CNBD2: variants seen among roughly 807,000 people sequenced by gnomAD.
The protein encoded by CNBD2 is cyclic nucleotide-binding domain-containing protein 2.
In CNBD2, 64 loss-of-function variants were observed where a neutral mutation model predicts 63.7. The observed-to-expected ratio is 1.00, with a 90% confidence interval of 0.82 to 1.24. The LOEUF (loss-of-function observed/expected upper bound fraction) is 1.24. CNBD2 is among the 50% of genes most tolerant of loss of function. The probability of loss-of-function intolerance (pLI) is 0.00; values close to 1 mark genes in which losing one functional copy is unlikely to be tolerated. For missense variants in CNBD2, 691 were observed against 713.5 expected (o/e 0.97, Z 0.36); for synonymous variants, 229 against 255.4 (o/e 0.90, Z 0.99).
At chr20:35,989,994 T>C (rs898950826) in intron 7 of CNBD2, among the ~76,000 whole-genome samples, 1 of 151,940 alleles carries the variant, frequency 6.6e-6, no homozygotes, top group African/African-American at 2.4e-5. Context: ...TAATACATAC[T>C]GAAAACTCAT....
chr20:35,972,421 A>C (rs1051777443), intron 1 of CNBD2, among the ~76,000 whole-genome samples: 4 of 152,212 alleles, frequency 2.6e-5, no homozygotes, highest in Admixed American at 2.6e-4. Context: ...CTATGGCATA[A>C]GTACTCCTAC....
intron 3 of CNBD2, among the ~76,000 whole-genome samples, chr20:35,977,254 T>C (rs2056533815): frequency 6.6e-6 from 1 of 152,200 alleles, no homozygotes; most frequent in South Asian, 2.1e-4. Context: ...AAATGAATCA[T>C]GCCTGACTCT....
chr20:35,984,917 C>G, intron 6 of CNBD2, 139 bp downstream of exon 6: 1 of 776,538 alleles, frequency 1.3e-6, no homozygotes, highest in Non-Finnish European at 2.2e-6. Flanking sequence ...ACCTCGTACC[C>G]ACCTTCTCTC....
chr20:35,954,440 GAGCT>G (rs1251344328), upstream of CNBD2: 6 of 1,549,618 alleles, frequency 3.9e-6, no homozygotes, highest in African/African-American at 5.5e-5. Context: ...AGAGTGTGCG[GAGCT>G]TACCTGCACC....
intron 11 of CNBD2, among the ~76,000 whole-genome samples, 162 bp from the exon 12 acceptor site, chr20:36,030,195 G>A (rs1384128139): frequency 6.6e-6 from 1 of 152,084 alleles, no homozygotes; most frequent in Non-Finnish European, 1.5e-5. Context: ...ACAGGCCTAA[G>A]GGAAGAAAAC....
intron 8 of CNBD2, among the ~76,000 whole-genome samples, chr20:36,001,373 C>A (rs1480145295): frequency 2.1e-5 from 3 of 146,332 alleles, no homozygotes; most frequent in Non-Finnish European, 3.0e-5. Flanking sequence ...GGGGCTGACC[C>A]CCCCACCTCC....
intron 11 of CNBD2, 41 bp downstream of exon 11, chr20:36,023,812 G>T: frequency 6.7e-7 from 1 of 1,497,762 alleles, no homozygotes; most frequent in South Asian, 1.3e-5. Context: ...CAGGTGAAAT[G>T]AACAATTTTT....
intron 2 of CNBD2, among the ~76,000 whole-genome samples, chr20:35,975,521 C>T (rs542247425): frequency 2.5e-4 from 38 of 149,590 alleles, no homozygotes; most frequent in African/African-American, 3.0e-4. Context: ...AGGATGGTCT[C>T]GATCTCCTGA....
At chr20:35,965,626 A>AGG (rs1347257688), upstream of CNBD2, among the ~76,000 whole-genome samples, 2 of 152,218 alleles carry the variant, frequency 1.3e-5, no homozygotes, top group Non-Finnish European at 2.9e-5. Flanking sequence ...TAATAGTTAC[A>AGG]GTTATAAAAT....
intron 6 of CNBD2, among the ~76,000 whole-genome samples, chr20:35,986,659 G>T (rs555031779): frequency 6.6e-6 from 1 of 152,332 alleles, no homozygotes; most frequent in South Asian, 2.1e-4. Context: ...TGCGCGCATT[G>T]AGGCCTGAGT....
chr20:35,960,587 A>T (rs1295361480), intron 2 of CNBD2, among the ~76,000 whole-genome samples: 1 of 152,142 alleles, frequency 6.6e-6, no homozygotes, highest in East Asian at 1.9e-4. Flanking sequence ...TGCTGGGCCC[A>T]AACAATCCTC....
intron 9 of CNBD2, among the ~76,000 whole-genome samples, chr20:36,010,819 G>T (rs1018068551): frequency 6.6e-6 from 1 of 152,068 alleles, no homozygotes; most frequent in Non-Finnish European, 1.5e-5. Flanking sequence ...GAGCATGAGA[G>T]GGCCAGCCTG....
upstream of CNBD2, among the ~76,000 whole-genome samples, chr20:35,967,181 A>G (rs1286801145): frequency 2.1e-5 from 3 of 144,888 alleles, no homozygotes; most frequent in South Asian, 2.4e-4. Flanking sequence ...TGAGTCATGG[A>G]GACTCCCACC....
At chr20:36,003,265 C>T (rs140701467) in intron 8 of CNBD2, among the ~76,000 whole-genome samples, 14 of 152,232 alleles carry the variant, frequency 9.2e-5, no homozygotes, top group African/African-American at 3.1e-4. Context: ...GAGTCAGTTT[C>T]AATCCATTGT....
At chr20:35,985,356 G>T (rs1461100454) in intron 6 of CNBD2, among the ~76,000 whole-genome samples, 3 of 151,494 alleles carry the variant, frequency 2.0e-5, no homozygotes, top group African/African-American at 7.3e-5. Flanking sequence ...TGTAGAGATG[G>T]AATCTTGTTA....
intron 7 of CNBD2, among the ~76,000 whole-genome samples, chr20:35,992,545 G>T (rs946897664): frequency 2.0e-5 from 3 of 152,162 alleles, no homozygotes; most frequent in Non-Finnish European, 4.4e-5. Flanking sequence ...TTCATTCTGA[G>T]AAAAATAATG....
chr20:36,017,923 G>A (rs1284037286), intron 10 of CNBD2, among the ~76,000 whole-genome samples: 2 of 152,178 alleles, frequency 1.3e-5, no homozygotes, highest in African/African-American at 2.4e-5. Flanking sequence ...ACAGCCAAGC[G>A]TGGTCACCCA....
At chr20:36,005,856 C>G (rs1354661393) in intron 8 of CNBD2, among the ~76,000 whole-genome samples, 2 of 151,394 alleles carry the variant, frequency 1.3e-5, no homozygotes, top group Non-Finnish European at 2.9e-5. Context: ...GAGGCTGAGG[C>G]AGGAGAATGG....
At chr20:35,966,529 A>G (rs2056345900), upstream of CNBD2, among the ~76,000 whole-genome samples, 1 of 152,220 alleles carries the variant, frequency 6.6e-6, no homozygotes, top group Non-Finnish European at 1.5e-5. Context: ...AATAGAAAAA[A>G]GCACTTTAGA....
Sources: allele counts gnomAD v4.1 joint callset (sites outside exome capture counted in the v4.1 genomes callset), GRCh38; gene constraint gnomAD v4.1.1; transcripts MANE v1.5; gene names NCBI Gene and HGNC (gene_info 2026-07-23, HGNC 2026-07-21).